CABP2: variants seen among roughly 807,000 people sequenced by gnomAD.
CABP2 encodes calcium binding protein 2.
CABP2 carries 25 observed loss-of-function variants against 28.6 expected under a neutral mutation model. That is an observed-to-expected ratio of 0.87 (90% CI 0.64 to 1.22). CABP2 has a LOEUF of 1.22. Among genes scored for constraint, CABP2 ranks in the 50% most tolerant of loss-of-function variants. The probability of loss-of-function intolerance (pLI) is 0.00; values close to 1 mark genes in which losing one functional copy is unlikely to be tolerated. For synonymous variants in CABP2, 138 were observed against 126.0 expected, an observed-to-expected ratio of 1.09 and a Z score of -0.64; for missense variants, 310 against 312.2, an observed-to-expected ratio of 0.99 and a Z score of 0.05.
chr11:67,523,204 C>A, intron 1 of CABP2, 81 bp downstream of exon 1: 2 of 1,183,772 alleles, frequency 1.7e-6, no homozygotes, highest in Admixed American at 4.2e-5. Context: ...GCCCGGCCCT[C>A]GGAGGGCTCT....
chr11:67,523,182 G>A, intron 1 of CABP2, 103 bp downstream of exon 1: 1 of 910,936 alleles, frequency 1.1e-6, no homozygotes, highest in Non-Finnish European at 1.7e-6. Context: ...GCAGTGGGCA[G>A]CCCCCAACCC....
At chr11:67,521,206 C>T in intron 3 of CABP2, 47 bp from the exon 4 acceptor site, 3 of 1,585,036 alleles carry the variant, frequency 1.9e-6, no homozygotes, top group Non-Finnish European at 1.7e-6. Context: ...CCCCCTGATC[C>T]TGGCCTGGAC....
intron 1 of CABP2, among the ~76,000 whole-genome samples, chr11:67,523,012 G>A (rs1361696708): frequency 1.3e-5 from 2 of 152,250 alleles, no homozygotes; most frequent in Non-Finnish European, 2.9e-5. Flanking sequence ...CTCCTAGATG[G>A]AGGCTGGCTA....
intron 3 of CABP2, 43 bp from the exon 4 acceptor site, chr11:67,521,202 G>C (rs1483624918): frequency 8.8e-6 from 14 of 1,594,000 alleles, no homozygotes; most frequent in Non-Finnish European, 1.2e-5. Flanking sequence ...ACAACCCCCT[G>C]ATCCTGGCCT....
At position 67,522,582 on chromosome 11, in the gene CABP2, G is replaced by T; in HGVS notation, c.177C>A (p.Cys59Ter). ...CGGCAATGCTGGGCCGCAGGAAGAT[G>T]CAGGCAGGCCCCACCAGGCTGTTGA... is the stretch of plus-strand genomic sequence containing the variant. ...SVLNSLVGPA[C>*]IFLRPSIAAT... The change falls in exon 2 of 7, where the codon TGC (cysteine) becomes TGA (stop). Residue 59 changes from cysteine (C) to a stop codon, truncating the protein, a stop_gained. Coordinates refer to ENST00000294288, the MANE Select transcript of CABP2 (RefSeq NM_016366.3). LOFTEE classifies it high-confidence loss of function. The T allele has an allele frequency of 2.6e-6, 4 of 1,554,750 alleles. 1 individual carries two copies.
At chr11:67,523,178 G>T in intron 1 of CABP2, 107 bp downstream of exon 1, 1 of 863,514 alleles carries the variant, frequency 1.2e-6, no homozygotes, top group Non-Finnish European at 1.8e-6. Flanking sequence ...TGGGGCAGTG[G>T]GCAGCCCCCA....
At position 67,520,792 on chromosome 11, in the gene CABP2, A is replaced by C. The variant is rs557885991; in HGVS notation, c.379+233T>G. On this transcript the variant is annotated intron_variant, in intron 4 of 6. Transcript: ENST00000294288. ...CTTGCTGTGTGACCTTAGACAAGTC[A>C]CTTAGCCATTCAGTTGCCTCATCTG... is the stretch of plus-strand genomic sequence containing the variant. 2.6e-5 allele frequency among the ~76,000 whole-genome samples: 4 copies of C among 152,360 alleles called. No homozygotes were observed. The South Asian group carries it at 8.3e-4, about 32-fold the overall frequency.
intron 4 of CABP2, among the ~76,000 whole-genome samples, chr11:67,520,428 C>G (rs531016208): frequency 1.1e-4 from 17 of 152,174 alleles, no homozygotes; most frequent in African/African-American, 3.9e-4. Flanking sequence ...GAGGCTGAGG[C>G]GGGTGGATCA....
Position 67,522,689 on chromosome 11 carries a change from G to A in CABP2, c.70C>T (p.Pro24Ser), listed in dbSNP as rs1866766081. ...CTGGGGCTGGGGCAGGAGCCCCTTGGTGGGGAGCCGAGCCACTGCAAGGGG... is the reference window on the plus strand; with the variant it reads ...CTGGGGCTGGGGCAGGAGCCCCTTGATGGGGAGCCGAGCCACTGCAAGGGG... Reference protein sequence around the residue: ...KDPLQWLGSPPRGSCPSPSSS... With the variant: ...KDPLQWLGSPSRGSCPSPSSS... Residue 24 changes from proline (P) to serine (S), a missense_variant, in exon 2 of 7, where the codon CCA becomes TCA. Transcript: ENST00000294288. The A allele has an allele frequency of 6.6e-7, 1 of 1,517,616 alleles. No individual in the cohort carries two copies. The highest frequency in any genetic ancestry group is 8.9e-7 in the Non-Finnish European group (1 of 1,129,006). The allele number at this position is 1,517,616 out of a possible 1,614,324, so 94.0% of individuals were successfully genotyped here.
chr11:67,520,491 C>T lies in CABP2; in HGVS notation c.380-331G>A, dbSNP rs150257770. ...TGACTAACATGGTGAAACCCCGTCT[C>T]CACTAAAAATACAAAAATTAGCTGG... is the stretch of plus-strand genomic sequence containing the variant. On this transcript the variant is annotated intron_variant, in intron 4 of 6. Transcript: ENST00000294288. Among the ~76,000 whole-genome samples the T allele has an allele frequency of 0.018, 2,789 of 152,084 alleles. 66 individuals carry two copies. Among genetic ancestry groups the T allele is most frequent in the Admixed American group, 0.042 (639 of 15,268 alleles).
In CABP2 at chr11:67,521,142, G is replaced by T; in HGVS notation, c.262C>A (p.Gln88Lys). The T allele has an allele frequency of 6.2e-7, 1 of 1,612,902 alleles. No homozygotes were observed. ...EEIEELQVAF[Q>K]EFDRDRDGYI... ...CCGTCCCGGTCTCGGTCAAACTCCT[G>T]GAAGGCGACCTGCAGCTCTGCCAGG... The change falls in exon 4 of 7, where the codon CAG becomes AAG. Residue 88 changes from glutamine (Q) to lysine (K), a missense_variant. By Grantham distance (53) the Gln-to-Lys change is moderately conservative (BLOSUM62 1). Coordinates refer to ENST00000294288, the MANE Select transcript of CABP2 (RefSeq NM_016366.3).
rs1866738371 is a variant in CABP2, at chr11:67,521,006, A to T, written c.379+19T>A. Reference sequence around the variant, plus strand: ...GGCATCTGGAGGACTGGGGATGGGGATGGGTCCGAGGCACATACTGATTTG... The same window carrying T: ...GGCATCTGGAGGACTGGGGATGGGGTTGGGTCCGAGGCACATACTGATTTG... On this transcript the variant is annotated intron_variant, in intron 4 of 6. Transcript: ENST00000294288. 6.2e-7 allele frequency: 1 copy of T among 1,607,100 alleles called. No homozygotes were observed. Among genetic ancestry groups the T allele is most frequent in the Non-Finnish European group, 8.5e-7 (1 of 1,175,000 alleles).
At position 67,520,096 on chromosome 11, in the gene CABP2, C is replaced by T. The variant is rs774793813; in HGVS notation, c.444G>A (p.Thr148=). 40 of 1,613,732 alleles carry T rather than the reference C, an allele frequency of 2.5e-5. No homozygotes were observed. The highest frequency in any genetic ancestry group is 3.1e-5 in the Non-Finnish European group (37 of 1,179,990). ...ELMGPKLLAE[T]ADMIGVRELR... Reference sequence around the variant, plus strand: ...GCTCCCGGACACCGATCATGTCTGCCGTCTCTGCCAGCAGCTTGGGGCCCA... The same window carrying T: ...GCTCCCGGACACCGATCATGTCTGCTGTCTCTGCCAGCAGCTTGGGGCCCA... The change falls in exon 5 of 7, where the codon ACG becomes ACA. Residue 148 remains threonine, a synonymous_variant. Coordinates refer to ENST00000294288, the MANE Select transcript of CABP2 (RefSeq NM_016366.3).
intron 4 of CABP2, among the ~76,000 whole-genome samples, chr11:67,520,675 A>AAACAAAG (rs1282675163): frequency 6.6e-6 from 1 of 152,098 alleles, no homozygotes; most frequent in East Asian, 1.9e-4. Context: ...AAAAAACAAA[A>AAACAAAG]AACAAACAAA....
intron 2 of CABP2, 30 bp from the exon 3 acceptor site, chr11:67,522,012 C>A: frequency 6.2e-7 from 1 of 1,604,536 alleles, no homozygotes; most frequent in Non-Finnish European, 8.5e-7. Flanking sequence ...TAGGAATTCC[C>A]TGCTCCTACT....
intron 3 of CABP2, 110 bp downstream of exon 3, chr11:67,521,842 C>T: frequency 9.9e-7 from 1 of 1,006,548 alleles, no homozygotes; most frequent in South Asian, 1.4e-5. Context: ...CCCACTTCCT[C>T]CTGGAAACAC....
intron 1 of CABP2, 75 bp downstream of exon 1, chr11:67,523,210 G>A: frequency 8.0e-7 from 1 of 1,255,670 alleles, no homozygotes; most frequent in Admixed American, 2.0e-5. Context: ...CCCTCGGAGG[G>A]CTCTGCCCAT....
chr11:67,519,981 A>T (rs757194133), intron 5 of CABP2, 41 bp from the exon 6 acceptor site: 14 of 1,597,986 alleles, frequency 8.8e-6, no homozygotes, highest in Non-Finnish European at 1.1e-5. Context: ...ACTGACAGTC[A>T]TTCACACGCG....
intron 3 of CABP2, among the ~76,000 whole-genome samples, 186 bp from the exon 4 acceptor site, chr11:67,521,345 C>T (rs1866745643): frequency 6.6e-6 from 1 of 152,182 alleles, no homozygotes; most frequent in African/African-American, 2.4e-5. Flanking sequence ...GGAGCATCTA[C>T]TATGTGCCAA....
Sources: gnomAD v4.1 joint callset for allele counts (sites outside exome capture counted in the v4.1 genomes callset) on GRCh38, gnomAD v4.1.1 for gene constraint, MANE v1.5 for transcripts, NCBI Gene and HGNC (gene_info 2026-07-23, HGNC 2026-07-21) for gene names.